Variants in KCTD16 observed in about 807,000 individuals in gnomAD.
The protein encoded by KCTD16 is potassium channel tetramerization domain containing 16, also known as BTB/POZ domain-containing protein KCTD16.
Under a neutral mutation model 33.2 loss-of-function variants are expected in KCTD16, and 13 were observed. That is an observed-to-expected ratio of 0.39 (90% CI 0.25 to 0.62). The LOEUF (loss-of-function observed/expected upper bound fraction) is 0.62, where lower values mean the gene tolerates loss of function less well. Ranked by LOEUF, KCTD16 falls within the 20% of genes least tolerant of loss-of-function variation. KCTD16 has a pLI of 0.50. For synonymous variants in KCTD16, 197 were observed against 195.3 expected (o/e 1.01, Z -0.07); for missense variants, 441 against 525.1 (o/e 0.84, Z 1.57).
chr5:144,425,101 G>C (rs887271957), intron 3 of KCTD16, among the ~76,000 whole-genome samples: 1 of 152,092 alleles, frequency 6.6e-6, no homozygotes, highest in Non-Finnish European at 1.5e-5. Context: ...TTCCTGCTGT[G>C]AACCTATGAA....
At chr5:144,447,217 C>T (rs895961237) in intron 3 of KCTD16, among the ~76,000 whole-genome samples, 1 of 152,136 alleles carries the variant, frequency 6.6e-6, no homozygotes, top group Non-Finnish European at 1.5e-5. Flanking sequence ...CCATAGAATA[C>T]TATTCAGCCA....
At chr5:144,193,374 C>T (rs905482949) in intron 2 of KCTD16, among the ~76,000 whole-genome samples, 12 of 152,028 alleles carry the variant, frequency 7.9e-5, no homozygotes, top group Admixed American at 6.6e-4. Flanking sequence ...TTGAACAAGC[C>T]GAGCTTAGTT....
At position 144,313,081 on chromosome 5, in the gene KCTD16, C is replaced by T. The variant is rs183415605; in HGVS notation, c.832+105535C>T. ...TATTAAAAGCATAGCAGTATAGTTG[C>T]AACCTATATTCAGGGCATTTTTAGG... On this transcript the variant is annotated intron_variant, in intron 3 of 3. Coordinates refer to ENST00000512467, the MANE Select transcript of KCTD16 (RefSeq NM_020768.4). Among the ~76,000 whole-genome samples, 46 of 152,248 alleles carry T rather than the reference C, an allele frequency of 3.0e-4. 1 individual carries two copies. In the East Asian group the frequency reaches 7.3e-3, roughly 24 times the overall value.
intron 3 of KCTD16, among the ~76,000 whole-genome samples, chr5:144,310,584 A>AT (rs34649260): frequency 1.8e-4 from 18 of 98,782 alleles, no homozygotes; most frequent in East Asian, 1.2e-3. Context: ...AATATTATAT[A>AT]TTTTTTTTGA....
intron 3 of KCTD16, among the ~76,000 whole-genome samples, chr5:144,414,545 A>G (rs1396268667): frequency 6.6e-6 from 1 of 152,232 alleles, no homozygotes; most frequent in Non-Finnish European, 1.5e-5. Flanking sequence ...TAAGGCTTGC[A>G]TTAACATAGG....
chr5:144,189,337 A>G (rs1752791854), intron 2 of KCTD16, among the ~76,000 whole-genome samples: 1 of 151,944 alleles, frequency 6.6e-6, no homozygotes, highest in Admixed American at 6.6e-5. Context: ...CTAAAAATAC[A>G]GTAACAAAAT....
chr5:144,379,909 A>ATGTAT (rs1752173536), intron 3 of KCTD16, among the ~76,000 whole-genome samples: 1 of 152,174 alleles, frequency 6.6e-6, no homozygotes, highest in Non-Finnish European at 1.5e-5. Context: ...CAACACTTAC[A>ATGTAT]TGTATTGTAT....
chr5:144,189,633 G>A (rs1752801611), intron 2 of KCTD16, among the ~76,000 whole-genome samples: 2 of 152,142 alleles, frequency 1.3e-5, no homozygotes, highest in South Asian at 4.1e-4. Context: ...AAAGCAAATC[G>A]TGCTAGGTAA....
At chr5:144,198,608 C>T (rs146224361) in intron 2 of KCTD16, among the ~76,000 whole-genome samples, 171 of 152,290 alleles carry the variant, frequency 1.1e-3, no homozygotes, top group African/African-American at 3.9e-3. Context: ...ACGCCTTCTA[C>T]AAACAATCGC....
intron 3 of KCTD16, among the ~76,000 whole-genome samples, chr5:144,408,465 T>C (rs1752861793): frequency 1.3e-5 from 2 of 152,238 alleles, no homozygotes; most frequent in South Asian, 4.1e-4. Context: ...CAAGTATATT[T>C]ATGTATAACT....
intron 3 of KCTD16, among the ~76,000 whole-genome samples, chr5:144,216,342 C>T (rs1439588335): frequency 5.3e-5 from 8 of 152,108 alleles, no homozygotes; most frequent in Admixed American, 5.2e-4. Context: ...TACTGTGTGA[C>T]CCATTCAAAA....
At chr5:144,453,914 C>T (rs1294408218) in intron 3 of KCTD16, among the ~76,000 whole-genome samples, 4 of 152,056 alleles carry the variant, frequency 2.6e-5, no homozygotes, top group Non-Finnish European at 4.4e-5. Flanking sequence ...AGAAGTGAGG[C>T]CCCGTTTACT....
intron 3 of KCTD16, among the ~76,000 whole-genome samples, chr5:144,400,680 A>G (rs1752683389): frequency 6.6e-6 from 1 of 152,192 alleles, no homozygotes; most frequent in Non-Finnish European, 1.5e-5. Flanking sequence ...ACCTACATAG[A>G]TCTTACAGTC....
chr5:144,186,936 G>C (rs753017308), intron 2 of KCTD16, among the ~76,000 whole-genome samples: 5 of 152,058 alleles, frequency 3.3e-5, no homozygotes, highest in Non-Finnish European at 7.4e-5. Context: ...CTGGGGATGG[G>C]ATATAATAAT....
chr5:144,287,161 T>C (rs1417926098), intron 3 of KCTD16, among the ~76,000 whole-genome samples: 1 of 152,158 alleles, frequency 6.6e-6, no homozygotes, highest in Non-Finnish European at 1.5e-5. Flanking sequence ...GATGGAAACA[T>C]CCTAGATTGC....
At position 144,206,556 on chromosome 5, in the gene KCTD16, T is replaced by C; in HGVS notation, c.-159T>C. 1 of 651,962 alleles carries C rather than the reference T, an allele frequency of 1.5e-6. No homozygotes were observed. 40.4% of individuals were successfully genotyped at this position (651,962 alleles called of 1,614,324 possible). A position where few individuals can be genotyped will look rare whatever the true frequency, so the allele number is the denominator to read the frequency against. On this transcript the variant is annotated 5_prime_UTR_variant, in exon 3 of 4. Transcript: ENST00000512467. ...CACTTCACCTGTGGACTCTTATACA[T>C]TTTGATTTCTTGGGGGAAAAATACT...
intron 3 of KCTD16, among the ~76,000 whole-genome samples, chr5:144,217,334 A>AT (rs1043298993): frequency 1.1e-4 from 16 of 151,742 alleles, no homozygotes; most frequent in Admixed American, 3.3e-4. Context: ...ACTAGGTGAG[A>AT]TTTTTTTTTC....
intron 3 of KCTD16, among the ~76,000 whole-genome samples, chr5:144,376,500 A>G (rs910407949): frequency 6.6e-6 from 1 of 152,152 alleles, no homozygotes; most frequent in African/African-American, 2.4e-5. Context: ...TTTCACACAA[A>G]AATTGGAGGC....
At chr5:144,297,166 G>A (rs746376435) in intron 3 of KCTD16, among the ~76,000 whole-genome samples, 13 of 152,104 alleles carry the variant, frequency 8.5e-5, no homozygotes, top group South Asian at 2.1e-4. Context: ...TCTTTTACAC[G>A]TTTGAGTTTC....
Sources: gnomAD v4.1 joint callset for allele counts (sites outside exome capture counted in the v4.1 genomes callset) on GRCh38, gnomAD v4.1.1 for gene constraint, MANE v1.5 for transcripts, NCBI Gene and HGNC (gene_info 2026-07-23, HGNC 2026-07-21) for gene names.